The following THBS4 variants were observed in gnomAD, a reference collection of about 807,000 sequenced individuals.
THBS4 encodes thrombospondin 4.
In THBS4, 90 loss-of-function variants were observed where a neutral mutation model predicts 115.7. The ratio of observed to expected loss-of-function variants is 0.78; its 90% CI spans 0.66 to 0.93. The LOEUF (loss-of-function observed/expected upper bound fraction) is 0.93. THBS4 is among the 40% of genes least tolerant of loss of function. The pLI is 0.00. For synonymous variants in THBS4, 460 were observed against 479.3 expected, an observed-to-expected ratio of 0.96 and a Z score of 0.53; for missense variants, 1,087 against 1,232.7, an observed-to-expected ratio of 0.88 and a Z score of 1.77.
intron 7 of THBS4, among the ~76,000 whole-genome samples, chr5:80,061,400 A>G (rs1833629097): frequency 6.6e-6 from 1 of 152,180 alleles, no homozygotes. Context: ...TGCAAATTCC[A>G]TGTCAGAATA....
chr5:80,074,119 A>G (rs1364445465), intron 15 of THBS4: 1 of 152,240 alleles, frequency 6.6e-6, no homozygotes, highest in Non-Finnish European at 1.5e-5. Context: ...ATAGCACTCA[A>G]TAGACATTAG....
At chr5:80,082,669 T>C in intron 21 of THBS4, 124 bp downstream of exon 21, 1 of 1,160,596 alleles carries the variant, frequency 8.6e-7, no homozygotes, top group Non-Finnish European at 1.2e-6. Context: ...CATTAAAACC[T>C]GATAGTCCCT....
At chr5:80,030,814 C>A (rs1832572392), upstream of THBS4, among the ~76,000 whole-genome samples, 1 of 152,156 alleles carries the variant, frequency 6.6e-6, no homozygotes, top group Admixed American at 6.5e-5. Flanking sequence ...CCCCTTTATC[C>A]ATCTTTTAAT....
intron 2 of THBS4, among the ~76,000 whole-genome samples, chr5:80,019,041 G>GTTTTTTT (rs537532061): frequency 1.5e-5 from 2 of 135,006 alleles, no homozygotes; most frequent in Non-Finnish European, 1.6e-5. Flanking sequence ...CTCTGTGATT[G>GTTTTTTT]TTTTTTTTTT....
In THBS4 at chr5:80,002,751, A is replaced by C. The variant is rs1272535477; in HGVS notation, n.177+4324A>C. Among the ~76,000 whole-genome samples, 738 of 120,306 alleles carry C rather than the reference A, an allele frequency of 6.1e-3. 6 individuals are homozygous for C. Among genetic ancestry groups the C allele is most frequent in the Non-Finnish European group, 9.3e-3 (475 of 51,046 alleles). The allele number at this position is 120,306 out of a possible 152,430, so 78.9% of individuals were successfully genotyped here. A position where few individuals can be genotyped will look rare whatever the true frequency, so the allele number is the denominator to read the frequency against. The stretch of plus-strand genomic sequence containing the variant: ...GAGGAAACTCCAGAAGGGAGAAAAA[A>C]AAAAAAAAAAAGGAAAACCTAAGAA... On this transcript the variant is annotated intron_variant and non_coding_transcript_variant, in intron 2 of 3. Coordinates refer to the THBS4 transcript ENST00000510218.
In THBS4 at chr5:80,065,581, T is replaced by C; in HGVS notation, c.1194+104T>C. On this transcript the variant is annotated intron_variant, in intron 9 of 21. Transcript: ENST00000350881. ...CAAACACACCTAGAACATGTGGGCA[T>C]AATATATTTGATTGGCAGAATAAAG... 10 of 634,848 alleles carry C rather than the reference T, an allele frequency of 1.6e-5. No homozygotes were observed. The South Asian group carries it at 4.5e-4, about 28-fold the overall frequency. The allele number at this position is 634,848 out of a possible 1,614,324, so 39.3% of individuals were successfully genotyped here. A position where few individuals can be genotyped will look rare whatever the true frequency, so the allele number is the denominator to read the frequency against.
Position 80,058,253 on chromosome 5 carries a change from G to A in THBS4, c.588G>A (p.Gln196=). 6.3e-7 allele frequency: 1 copy of A among 1,579,636 alleles called. No homozygotes were observed. Among genetic ancestry groups the A allele is most frequent in the South Asian group, 1.2e-5 (1 of 86,158 alleles). Residue 196 remains glutamine, a synonymous_variant, in exon 4 of 22, where the codon CAG becomes CAA. Coordinates refer to ENST00000350881, the MANE Select transcript of THBS4 (RefSeq NM_003248.6). The part of the protein sequence containing the change: ...LKLVVRGSLF[Q]VASLQDCFLQ... ...TGGTGGTGAGAGGCTCACTGTTCCA[G>A]GTGGCCAGCCTGCAAGACTGCTTCC...
At chr5:79,997,500 A>T (rs1379995580) in intron 1 of THBS4, among the ~76,000 whole-genome samples, 3 of 152,214 alleles carry the variant, frequency 2.0e-5, no homozygotes, top group African/African-American at 7.2e-5. Flanking sequence ...GCTTCAAAAT[A>T]CATGAAGCAA....
intron 1 of THBS4, among the ~76,000 whole-genome samples, chr5:79,996,289 G>T (rs1437330927): frequency 6.6e-6 from 1 of 152,204 alleles, no homozygotes; most frequent in Non-Finnish European, 1.5e-5. Flanking sequence ...TAATGATTAG[G>T]TGCCTCTTTA....
chr5:80,030,462 G>T (rs1021911049), upstream of THBS4, among the ~76,000 whole-genome samples: 2 of 152,066 alleles, frequency 1.3e-5, no homozygotes, highest in South Asian at 2.1e-4. Flanking sequence ...CCACCTCCCG[G>T]GTTCAAGCGA....
chr5:80,031,648 C>T (rs750269179), upstream of THBS4, among the ~76,000 whole-genome samples: 6 of 152,182 alleles, frequency 3.9e-5, no homozygotes, highest in Non-Finnish European at 5.9e-5. Flanking sequence ...CTCTCATCCT[C>T]CAGTAGGCCA....
At chr5:80,013,898 C>A (rs186152845) in intron 2 of THBS4, among the ~76,000 whole-genome samples, 8 of 152,312 alleles carry the variant, frequency 5.3e-5, no homozygotes, top group Admixed American at 5.2e-4. Context: ...TACCCCATAA[C>A]TAAGCGTCTT....
chr5:79,998,438 T>G lies in THBS4; in HGVS notation n.177+11T>G, dbSNP rs539921408. The G allele has an allele frequency of 8.2e-4, 130 of 158,196 alleles. 1 individual carries two copies. The highest frequency in any genetic ancestry group is 1.3e-3 in the Non-Finnish European group (94 of 72,764). The allele number at this position is 158,196 out of a possible 1,614,324, so 9.8% of individuals were successfully genotyped here. On this transcript the variant is annotated intron_variant and non_coding_transcript_variant, in intron 2 of 3. Coordinates refer to the THBS4 transcript ENST00000510218. ...AGAGCCTGTGGAGTTGTGAGTCAATTAAACCTCTTTTCTTCATAAATTACC... is the reference window on the plus strand; with the variant it reads ...AGAGCCTGTGGAGTTGTGAGTCAATGAAACCTCTTTTCTTCATAAATTACC...
intron 2 of THBS4, among the ~76,000 whole-genome samples, chr5:80,011,164 CT>C (rs983836525): frequency 6.6e-6 from 1 of 152,194 alleles, no homozygotes; most frequent in African/African-American, 2.4e-5. Context: ...CTCTCTTTGC[CT>C]GCTGCCATCC....
At chr5:79,995,113 A>G (rs1415037118) in intron 1 of THBS4, among the ~76,000 whole-genome samples, 1 of 152,144 alleles carries the variant, frequency 6.6e-6, no homozygotes. Context: ...GCTCAGGGAG[A>G]GTATTGGTTG....
At chr5:80,057,263 C>T (rs1052663231) in intron 3 of THBS4, among the ~76,000 whole-genome samples, 2 of 152,132 alleles carry the variant, frequency 1.3e-5, no homozygotes, top group African/African-American at 4.8e-5. Flanking sequence ...CAGGACTCAC[C>T]CCTGACAAAG....
chr5:80,035,295 G>A (rs868485727), upstream of THBS4: 4 of 158,124 alleles, frequency 2.5e-5, no homozygotes, highest in African/African-American at 9.7e-5. This position sits in a 1 kb window ranked among gnomAD's most constrained non-coding sequence, Gnocchi z 4.6. Flanking sequence ...CCCCGCCCCG[G>A]CCCTCCCCCG....
At chr5:80,072,506 AC>A (rs1466430598) in intron 14 of THBS4, 110 bp downstream of exon 14, 2 of 969,776 alleles carry the variant, frequency 2.1e-6, no homozygotes, top group Non-Finnish European at 3.2e-6. Flanking sequence ...GTTGCCACTT[AC>A]CTAACAAAGC....
At chr5:80,063,825 G>A (rs183444106) in intron 8 of THBS4, among the ~76,000 whole-genome samples, 1 of 152,330 alleles carries the variant, frequency 6.6e-6, no homozygotes, top group Admixed American at 6.5e-5. Flanking sequence ...AAATTTAACA[G>A]CAAATGTTAC....
Sources: allele counts gnomAD v4.1 joint callset (sites outside exome capture counted in the v4.1 genomes callset), GRCh38; gene constraint gnomAD v4.1.1; non-coding constraint Gnocchi (gnomAD v3.1); transcripts MANE v1.5; gene names NCBI Gene and HGNC (gene_info 2026-07-23, HGNC 2026-07-21).